Variants in RBFOX1 observed in about 807,000 individuals in gnomAD.
RBFOX1 encodes the protein RNA binding protein fox-1 homolog 1.
A neutral mutation model predicts 57.7 loss-of-function variants in RBFOX1; 8 were observed. The ratio of observed to expected loss-of-function variants is 0.14; its 90% CI spans 0.08 to 0.25. The LOEUF is 0.25. Among genes scored for constraint, RBFOX1 ranks in the 10% least tolerant of loss-of-function variants. The probability of loss-of-function intolerance (pLI) is 1.00; values close to 1 mark genes in which losing one functional copy is unlikely to be tolerated. For synonymous variants in RBFOX1, 326 were observed against 222.4 expected (o/e 1.47, Z -4.15); for missense variants, 611 against 548.5 (o/e 1.11, Z -1.14).
At chr16:7,081,342 G>T (rs972930975) in intron 4 of RBFOX1, among the ~76,000 whole-genome samples, 2 of 152,096 alleles carry the variant, frequency 1.3e-5, no homozygotes, top group East Asian at 1.9e-4. Context: ...GCCCACACTG[G>T]CCTTATTAAC....
rs754636029 is a variant in RBFOX1 at position 6,559,172 on chromosome 16, C to CAT, written c.-63-95421_-63-95420dup. Reference sequence around the variant, plus strand: ...GTATATATATGACTGTTTGTGTGTACATATATATATACACAAACACACACT... The same window carrying CAT: ...GTATATATATGACTGTTTGTGTGTACATATATATATATACACAAACACACACT... On this transcript the variant is annotated intron_variant, in intron 2 of 15. Coordinates refer to ENST00000550418, the MANE Select transcript of RBFOX1 (RefSeq NM_018723.4). Among the ~76,000 whole-genome samples the CAT allele has an allele frequency of 6.4e-3, 837 of 130,882 alleles. 5 individuals are homozygous for CAT. Among genetic ancestry groups the CAT allele is most frequent in the Non-Finnish European group, 8.7e-3 (567 of 64,946 alleles). The allele number at this position is 130,882 out of a possible 152,430, so 85.9% of individuals were successfully genotyped here.
At chr16:6,432,482 G>A (rs1381268136) in intron 2 of RBFOX1, among the ~76,000 whole-genome samples, 5 of 150,614 alleles carry the variant, frequency 3.3e-5, no homozygotes, top group Non-Finnish European at 7.4e-5. Flanking sequence ...GACCAGCCTG[G>A]CCAACAGGGT....
chr16:6,056,132 C>T (rs1419452778), intron 1 of RBFOX1, among the ~76,000 whole-genome samples: 3 of 152,116 alleles, frequency 2.0e-5, no homozygotes, highest in African/African-American at 7.2e-5. Context: ...AATATCTGTC[C>T]ATAGCTGCTT....
At chr16:5,543,226 C>G (rs572877043) in intron 2 of RBFOX1, among the ~76,000 whole-genome samples, 3 of 152,160 alleles carry the variant, frequency 2.0e-5, no homozygotes, top group African/African-American at 4.8e-5. Context: ...AAAATACAAC[C>G]TAAAATGAGT....
chr16:6,349,258 T>G (rs956580859), intron 2 of RBFOX1, among the ~76,000 whole-genome samples: 2 of 152,136 alleles, frequency 1.3e-5, no homozygotes, highest in African/African-American at 4.8e-5. Flanking sequence ...TGTTATCCCT[T>G]ACCTAGCCGA....
chr16:6,412,090 G>T (rs1196563295), intron 2 of RBFOX1, among the ~76,000 whole-genome samples: 1 of 149,676 alleles, frequency 6.7e-6, no homozygotes, highest in Admixed American at 6.7e-5. Context: ...CCAAGATCGT[G>T]CCATTGCACT....
chr16:6,229,557 G>A (rs1279341506), intron 1 of RBFOX1, among the ~76,000 whole-genome samples: 1 of 152,134 alleles, frequency 6.6e-6, no homozygotes, highest in Admixed American at 6.6e-5. Context: ...GAGATAAATT[G>A]CTTTAGCTTT....
chr16:5,647,002 G>A (rs2049076418), intron 3 of RBFOX1, among the ~76,000 whole-genome samples: 1 of 152,150 alleles, frequency 6.6e-6, no homozygotes, highest in Admixed American at 6.5e-5. Flanking sequence ...TGCGATGGAG[G>A]CTTCTAGGGA....
At chr16:5,954,852 C>G (rs549320258) in intron 4 of RBFOX1, among the ~76,000 whole-genome samples, 1 of 151,986 alleles carries the variant, frequency 6.6e-6, no homozygotes, top group South Asian at 2.1e-4. Flanking sequence ...GAGAGCATTC[C>G]CAGGGTGGAC....
chr16:5,912,496 A>C (rs552695412), intron 4 of RBFOX1, among the ~76,000 whole-genome samples: 39 of 152,248 alleles, frequency 2.6e-4, no homozygotes, highest in African/African-American at 8.2e-4. Flanking sequence ...CTCCAGTCCC[A>C]CTACATCACA....
chr16:6,312,342 C>T (rs1332856018), intron 1 of RBFOX1, among the ~76,000 whole-genome samples: 6 of 152,078 alleles, frequency 3.9e-5, no homozygotes, highest in African/African-American at 1.4e-4. Context: ...CTCCATGGCT[C>T]TTCCACTCTC....
intron 11 of RBFOX1, among the ~76,000 whole-genome samples, chr16:7,651,274 G>A (rs2065005480): frequency 6.6e-6 from 1 of 152,084 alleles, no homozygotes; most frequent in South Asian, 2.1e-4. Context: ...CGGGTTCGGG[G>A]GTTTTATTTG....
intron 1 of RBFOX1, among the ~76,000 whole-genome samples, chr16:5,355,948 G>A (rs1204644802): frequency 2.0e-5 from 3 of 152,242 alleles, no homozygotes; most frequent in East Asian, 1.9e-4. Context: ...AAAATTAGCT[G>A]GGCATGGTGG....
chr16:6,577,161 C>A (rs2160175), intron 2 of RBFOX1: 4 of 151,958 alleles, frequency 2.6e-5, no homozygotes, highest in African/African-American at 7.2e-5. Context: ...CTACCTGGGT[C>A]GCTGAATGAC....
At chr16:6,383,478 A>G (rs903473325) in intron 2 of RBFOX1, among the ~76,000 whole-genome samples, 1 of 152,152 alleles carries the variant, frequency 6.6e-6, no homozygotes, top group Non-Finnish European at 1.5e-5. Context: ...AGCCCCTTCT[A>G]GAAAAACAGC....
At chr16:5,885,804 C>T (rs988197051) in intron 4 of RBFOX1, among the ~76,000 whole-genome samples, 43 of 152,152 alleles carry the variant, frequency 2.8e-4, no homozygotes, top group African/African-American at 9.4e-4. Context: ...ACCAGGTGCC[C>T]TAAAGTATCT....
intron 4 of RBFOX1, among the ~76,000 whole-genome samples, chr16:7,403,845 C>T (rs1217768565): frequency 4.0e-5 from 6 of 151,622 alleles, no homozygotes; most frequent in Non-Finnish European, 8.8e-5. Context: ...CATGCCGGGG[C>T]TCCTTGTTTT....
chr16:7,003,435 G>C (rs1319380039), intron 3 of RBFOX1, among the ~76,000 whole-genome samples: 1 of 151,062 alleles, frequency 6.6e-6, no homozygotes, highest in East Asian at 2.0e-4. Context: ...ACTGCAGCCT[G>C]GTGACAGAGC....
At chr16:7,546,026 A>AAAAG (rs1032659848) in intron 5 of RBFOX1, among the ~76,000 whole-genome samples, 4 of 148,264 alleles carry the variant, frequency 2.7e-5, no homozygotes, top group African/African-American at 1.0e-4. Context: ...AAAAAAAAAA[A>AAAAG]AAAAGAAAAA....
Sources: gnomAD v4.1 joint callset for allele counts (sites outside exome capture counted in the v4.1 genomes callset) on GRCh38, gnomAD v4.1.1 for gene constraint, MANE v1.5 for transcripts, NCBI Gene and HGNC (gene_info 2026-07-23, HGNC 2026-07-21) for gene names.